The following PSEN1 variants were observed in gnomAD, a reference collection of about 807,000 sequenced individuals.
The protein encoded by PSEN1 is presenilin-1.
A neutral mutation model predicts 53.5 loss-of-function variants in PSEN1; 15 were observed. The observed-to-expected ratio is 0.28, with a 90% CI of 0.19 to 0.43. The LOEUF (loss-of-function observed/expected upper bound fraction) is 0.43, where lower values mean the gene tolerates loss of function less well. Ranked by LOEUF, PSEN1 falls within the 20% of genes least tolerant of loss-of-function variation. The pLI is 1.00. For synonymous variants in PSEN1, 208 were observed against 209.8 expected, an observed-to-expected ratio of 0.99 and a Z score of 0.08; for missense variants, 387 against 571.2, an observed-to-expected ratio of 0.68 and a Z score of 3.29.
chr14:73,183,786 C>T (rs1356818251), intron 5 of PSEN1, among the ~76,000 whole-genome samples: 1 of 151,404 alleles, frequency 6.6e-6, no homozygotes, highest in Non-Finnish European at 1.5e-5. Flanking sequence ...CATTGTCATC[C>T]TGGCCCGTTC....
intron 11 of PSEN1, among the ~76,000 whole-genome samples, chr14:73,217,828 C>G (rs561172541): frequency 3.5e-5 from 5 of 141,370 alleles, no homozygotes; most frequent in South Asian, 2.3e-4. Flanking sequence ...GACGGAGTCT[C>G]TGTCACCCAG....
chr14:73,223,224 A>G lies in PSEN1; in HGVS notation c.*3935A>G, dbSNP rs1882679183. 1 of 152,230 alleles carries G rather than the reference A, an allele frequency of 6.6e-6. No individual in the cohort carries two copies. The allele number at this position is 152,230 out of a possible 1,614,324, so 9.4% of individuals were successfully genotyped here. A position where few individuals can be genotyped will look rare whatever the true frequency, so the allele number is the denominator to read the frequency against. On this transcript the variant is annotated 3_prime_UTR_variant, in exon 12 of 12. Transcript: ENST00000324501. ...TATAAAAAAGCACCCTGGTGCTGAA[A>G]TGAACCCCTTTCTTGAACATCAAAG...
chr14:73,190,893 G>A (rs1898690706), intron 6 of PSEN1, among the ~76,000 whole-genome samples: 2 of 152,192 alleles, frequency 1.3e-5, no homozygotes, highest in Non-Finnish European at 2.9e-5. Context: ...TACTGGAAAT[G>A]CTTAATATAA....
intron 8 of PSEN1, among the ~76,000 whole-genome samples, chr14:73,202,417 A>ATTATAT (rs1566648023): frequency 5.0e-5 from 3 of 60,516 alleles, no homozygotes; most frequent in African/African-American, 2.0e-4. Context: ...TCTATCACAT[A>ATTATAT]CTATATATAT....
intron 7 of PSEN1, among the ~76,000 whole-genome samples, chr14:73,193,139 G>C (rs1040330514): frequency 6.6e-6 from 1 of 151,874 alleles, no homozygotes; most frequent in Non-Finnish European, 1.5e-5. Context: ...GCAAAACCTC[G>C]TATCTACAGA....
intron 6 of PSEN1, among the ~76,000 whole-genome samples, chr14:73,187,442 C>G (rs1000385711): frequency 6.6e-6 from 1 of 152,124 alleles, no homozygotes; most frequent in African/African-American, 2.4e-5. Context: ...TAAACAATTG[C>G]ACTAGCTCTT....
intron 1 of PSEN1, among the ~76,000 whole-genome samples, chr14:73,141,831 G>A (rs890650460): frequency 6.6e-6 from 1 of 151,840 alleles, no homozygotes; most frequent in Non-Finnish European, 1.5e-5. Flanking sequence ...ACTTTGGGAG[G>A]CAGAGGCTGG....
At position 73,220,923 on chromosome 14, in the gene PSEN1, G is replaced by A. The variant is rs1442104008; in HGVS notation, c.*1634G>A. The A allele has an allele frequency of 2.0e-5, 3 of 152,164 alleles. No homozygotes were observed. The highest frequency in any genetic ancestry group is 1.9e-4 in the East Asian group (1 of 5,194). 9.4% of individuals were successfully genotyped at this position (152,164 alleles called of 1,614,324 possible). A position where few individuals can be genotyped will look rare whatever the true frequency, so the allele number is the denominator to read the frequency against. On this transcript the variant is annotated 3_prime_UTR_variant, in exon 12 of 12. Transcript: ENST00000324501. Reference sequence around the variant, plus strand: ...TAGCTATGCTGATCAGACCGTAAGCGTTTATGAGAAACTTAGTTTCCTCCT... The same window carrying A: ...TAGCTATGCTGATCAGACCGTAAGCATTTATGAGAAACTTAGTTTCCTCCT...
intron 5 of PSEN1, among the ~76,000 whole-genome samples, chr14:73,182,566 G>A (rs1318172607): frequency 2.6e-5 from 4 of 152,014 alleles, no homozygotes; most frequent in South Asian, 4.2e-4. Flanking sequence ...AAATTAGGCC[G>A]GGCATGGTGG....
At chr14:73,209,208 G>T (rs140717635) in intron 9 of PSEN1, among the ~76,000 whole-genome samples, 1 of 152,138 alleles carries the variant, frequency 6.6e-6, no homozygotes, top group Non-Finnish European at 1.5e-5. Flanking sequence ...AACTCAGAAG[G>T]GGGCAGGACT....
chr14:73,200,120 T>C lies in PSEN1; in HGVS notation c.868+1991T>C, dbSNP rs1054529423. On this transcript the variant is annotated intron_variant, in intron 8 of 11. Transcript: ENST00000324501. ...GTGTCTGAGAGAGAAAGAGATCTAA[T>C]AGGCAAAAAAATAACATCTTGTTTT... Among the ~76,000 whole-genome samples the C allele has an allele frequency of 2.0e-5, 3 of 152,098 alleles. No individual in the cohort carries two copies. The East Asian group carries it at 5.8e-4, about 29-fold the overall frequency.
intron 8 of PSEN1, among the ~76,000 whole-genome samples, chr14:73,204,055 A>G (rs1034759968): frequency 2.6e-5 from 4 of 152,074 alleles, no homozygotes; most frequent in East Asian, 1.9e-4. Context: ...CTGGAGTGCA[A>G]TGGCACGATC....
At chr14:73,144,086 G>A (rs1566615456) in intron 1 of PSEN1, among the ~76,000 whole-genome samples, 1 of 135,100 alleles carries the variant, frequency 7.4e-6, no homozygotes, top group Non-Finnish European at 1.5e-5. Flanking sequence ...TGTCACCCAG[G>A]CAGGAATGCA....
chr14:73,149,281 A>T (rs1186618392), intron 3 of PSEN1, among the ~76,000 whole-genome samples: 2 of 151,914 alleles, frequency 1.3e-5, no homozygotes, highest in African/African-American at 4.8e-5. Context: ...TGCTTGTCTA[A>T]GAGTTTGAGT....
At chr14:73,162,449 T>G (rs565824536) in intron 3 of PSEN1, among the ~76,000 whole-genome samples, 121 of 145,034 alleles carry the variant, frequency 8.3e-4, no homozygotes, top group African/African-American at 2.7e-3. Context: ...GCTCGCGCGC[T>G]CTCTCTCTCT....
intron 3 of PSEN1, chr14:73,169,263 A>G (rs1345818807): frequency 6.6e-6 from 1 of 151,646 alleles, no homozygotes; most frequent in East Asian, 1.9e-4. Context: ...TATTCTCTTA[A>G]TCTCGTTTTC....
chr14:73,217,409 C>A (rs1490312687), intron 11 of PSEN1, among the ~76,000 whole-genome samples, 165 bp downstream of exon 11: 1 of 152,226 alleles, frequency 6.6e-6, no homozygotes, highest in African/African-American at 2.4e-5. Context: ...TCTACCCTGG[C>A]CACACATTAG....
rs768963474 is a variant in PSEN1 at position 73,151,878 on chromosome 14, T to TTATATATA, written c.87+3782_87+3789dup. 5.5e-3 allele frequency among the ~76,000 whole-genome samples: 314 copies of TTATATATA among 56,918 alleles called. 4 individuals carry two copies. The highest frequency in any genetic ancestry group is 6.2e-3 in the African/African-American group (68 of 10,976). 37.3% of individuals were successfully genotyped at this position (56,918 alleles called of 152,430 possible). On this transcript the variant is annotated intron_variant, in intron 3 of 11. Transcript: ENST00000324501. ...GCTACTGCGCCCAACCTAAAATATT[T>TTATATATA]TATATATATATATATATTTTTTTTT...
intron 3 of PSEN1, among the ~76,000 whole-genome samples, chr14:73,170,091 C>T (rs531663806): frequency 1.3e-5 from 2 of 152,218 alleles, no homozygotes; most frequent in African/African-American, 2.4e-5. Flanking sequence ...ATGGTGTTGG[C>T]GGGGAGTGTC....
Sources: gnomAD v4.1 joint callset for allele counts (sites outside exome capture counted in the v4.1 genomes callset) on GRCh38, gnomAD v4.1.1 for gene constraint, MANE v1.5 for transcripts, NCBI Gene and HGNC (gene_info 2026-07-23, HGNC 2026-07-21) for gene names.